RBFOX2: variants seen among roughly 807,000 people sequenced by gnomAD.
The protein encoded by RBFOX2 is RNA binding fox-1 homolog 2.
In RBFOX2, 10 loss-of-function variants were observed where a neutral mutation model predicts 49.1. That is an observed-to-expected ratio of 0.20 (90% CI 0.13 to 0.35). The LOEUF (loss-of-function observed/expected upper bound fraction) is 0.35. Ranked by LOEUF, RBFOX2 falls within the 10% of genes least tolerant of loss-of-function variation. The probability of loss-of-function intolerance (pLI) is 1.00; values close to 1 mark genes in which losing one functional copy is unlikely to be tolerated. For synonymous variants in RBFOX2, 183 were observed against 187.4 expected, an observed-to-expected ratio of 0.98 and a Z score of 0.19; for missense variants, 323 against 486.9, an observed-to-expected ratio of 0.66 and a Z score of 3.17.
upstream of RBFOX2, among the ~76,000 whole-genome samples, chr22:35,964,734 AC>A (rs1239690740): frequency 6.6e-5 from 10 of 152,168 alleles, no homozygotes; most frequent in African/African-American, 2.4e-4. Context: ...TGATTAGAGG[AC>A]CATGCTAAAG....
chr22:35,793,140 G>A (rs1323572343), intron 2 of RBFOX2, among the ~76,000 whole-genome samples: 1 of 152,234 alleles, frequency 6.6e-6, no homozygotes, highest in Admixed American at 6.5e-5. Flanking sequence ...GGGAGGCCAA[G>A]GCGGGTGGAT....
chr22:35,785,904 G>T (rs1240671767), intron 2 of RBFOX2, among the ~76,000 whole-genome samples: 1 of 152,204 alleles, frequency 6.6e-6, no homozygotes, highest in Non-Finnish European at 1.5e-5. Context: ...CGCAGTCAAA[G>T]CAACAAGCAT....
intron 1 of RBFOX2, chr22:35,898,382 C>T (rs1296461645): frequency 3.8e-5 from 22 of 577,450 alleles, no homozygotes; most frequent in Middle Eastern, 6.2e-4. Flanking sequence ...CCAGACAACC[C>T]GGGATTGTGC....
chr22:35,757,909 T>C (rs1210891573), intron 9 of RBFOX2, among the ~76,000 whole-genome samples: 1 of 152,110 alleles, frequency 6.6e-6, no homozygotes, highest in Non-Finnish European at 1.5e-5. Context: ...TAGGCAAAGA[T>C]TTACAAATAA....
At chr22:35,898,347 T>A in intron 1 of RBFOX2, 1 of 678,962 alleles carries the variant, frequency 1.5e-6, no homozygotes, top group Non-Finnish European at 2.8e-6. Context: ...ATTGCAGTAA[T>A]GGCAGAATGT....
intron 1 of RBFOX2, among the ~76,000 whole-genome samples, chr22:35,984,654 A>G (rs764933667): frequency 2.0e-5 from 3 of 152,202 alleles, no homozygotes; most frequent in Non-Finnish European, 4.4e-5. Flanking sequence ...TTTTTTAACC[A>G]AAGATCTAGA....
chr22:35,753,674 C>A (rs1262196663), intron 9 of RBFOX2, among the ~76,000 whole-genome samples: 2 of 146,680 alleles, frequency 1.4e-5, no homozygotes, highest in African/African-American at 5.0e-5. Context: ...ACAGAAAAAT[C>A]ATCTGTCTCA....
intron 1 of RBFOX2, chr22:35,999,824 C>A (rs985778723): frequency 6.6e-6 from 1 of 151,962 alleles, no homozygotes; most frequent in African/African-American, 2.4e-5. Context: ...CAAATCCTAG[C>A]TCGAGGTTTC....
At chr22:36,025,106 C>G (rs2059383822) in intron 1 of RBFOX2, among the ~76,000 whole-genome samples, 1 of 152,214 alleles carries the variant, frequency 6.6e-6, no homozygotes, top group Non-Finnish European at 1.5e-5. Context: ...CTGCGCCCGG[C>G]TAAGATTTTT....
intron 1 of RBFOX2, among the ~76,000 whole-genome samples, chr22:35,854,327 A>G (rs1292249188): frequency 6.6e-6 from 1 of 152,142 alleles, no homozygotes; most frequent in African/African-American, 2.4e-5. Context: ...GCTCATGCCT[A>G]TAATCCCAGC....
At chr22:35,961,811 A>T, upstream of RBFOX2, 1 of 975,578 alleles carries the variant, frequency 1.0e-6, no homozygotes, top group Non-Finnish European at 1.3e-6. Flanking sequence ...GCTACTTGGG[A>T]TTCAGAGTCC....
In RBFOX2 at chr22:35,989,746, C is replaced by T. The variant is rs116978593; in HGVS notation, c.186+38494G>A. Among the ~76,000 whole-genome samples the T allele has an allele frequency of 9.2e-5, 14 of 151,768 alleles. No individual in the cohort carries two copies. In the East Asian group the frequency reaches 1.7e-3, roughly 19 times the overall value. On this transcript the variant is annotated intron_variant, in intron 1 of 13. Transcript: ENST00000438146. The stretch of plus-strand genomic sequence containing the variant: ...AAAGTGGCACTCAAATTTGGTGGCA[C>T]GAAGGTAAAGGAGCTCCAATCTGAG...
At chr22:35,912,724 G>A (rs1448651471) in intron 1 of RBFOX2, among the ~76,000 whole-genome samples, 1 of 152,042 alleles carries the variant, frequency 6.6e-6, no homozygotes, top group Non-Finnish European at 1.5e-5. Flanking sequence ...GAAGATATAT[G>A]GGTTTTCCGG....
At chr22:35,912,310 C>T (rs2049925431) in intron 1 of RBFOX2, among the ~76,000 whole-genome samples, 1 of 152,204 alleles carries the variant, frequency 6.6e-6, no homozygotes, top group Non-Finnish European at 1.5e-5. Flanking sequence ...TTAATACCAA[C>T]CCATCTTTCA....
chr22:35,940,991 T>C (rs920619658), upstream of RBFOX2, among the ~76,000 whole-genome samples: 5 of 152,144 alleles, frequency 3.3e-5, no homozygotes, highest in African/African-American at 1.2e-4. Flanking sequence ...GTTCTGGAGT[T>C]AGATTTTAGT....
intron 1 of RBFOX2, among the ~76,000 whole-genome samples, chr22:35,929,876 A>G (rs1236260687): frequency 2.0e-5 from 3 of 152,240 alleles, no homozygotes; most frequent in African/African-American, 2.4e-5. Flanking sequence ...AATGACTGCA[A>G]AAGAATTTGA....
At chr22:35,773,513 C>CA (rs1943193291) in intron 4 of RBFOX2, among the ~76,000 whole-genome samples, 1 of 151,902 alleles carries the variant, frequency 6.6e-6, no homozygotes, top group Non-Finnish European at 1.5e-5. Flanking sequence ...ATGAATGTAT[C>CA]AGATTATCAC....
intron 11 of RBFOX2, 148 bp from the exon 14 acceptor site, chr22:35,744,397 G>C: frequency 5.9e-6 from 4 of 672,870 alleles, no homozygotes; most frequent in Non-Finnish European, 9.4e-6. Flanking sequence ...AGTGAAGTCA[G>C]GAAACCAACT....
chr22:36,013,915 G>A (rs989448818), intron 1 of RBFOX2, among the ~76,000 whole-genome samples: 23 of 152,028 alleles, frequency 1.5e-4, no homozygotes, highest in Non-Finnish European at 2.8e-4. Context: ...TGAATTTAGA[G>A]TTAGGAATTA....
Sources: allele counts gnomAD v4.1 joint callset (sites outside exome capture counted in the v4.1 genomes callset), GRCh38; gene constraint gnomAD v4.1.1; transcripts MANE v1.5; gene names NCBI Gene and HGNC (gene_info 2026-07-23, HGNC 2026-07-21).